The following LIN52 variants were observed in gnomAD, a reference collection of about 807,000 sequenced individuals.
The protein encoded by LIN52 is protein lin-52 homolog.
Under a neutral mutation model 18.5 loss-of-function variants are expected in LIN52, and 4 were observed. The ratio of observed to expected loss-of-function variants is 0.22; its 90% confidence interval spans 0.11 to 0.49. The LOEUF (loss-of-function observed/expected upper bound fraction) is 0.49. Among genes scored for constraint, LIN52 ranks in the 20% least tolerant of loss-of-function variants. The pLI is 0.97. For missense variants in LIN52, 102 were observed against 139.5 expected, an observed-to-expected ratio of 0.73 and a Z score of 1.35; for synonymous variants, 34 against 45.5, an observed-to-expected ratio of 0.75 and a Z score of 1.02.
intron 5 of LIN52, among the ~76,000 whole-genome samples, chr14:74,114,593 TAACAACAAC>T (rs369626893): frequency 6.6e-6 from 1 of 152,052 alleles, no homozygotes; most frequent in Admixed American, 6.6e-5. Context: ...GATGCCTGCT[TAACAACAAC>T]AACAACAACA....
intron 4 of LIN52, among the ~76,000 whole-genome samples, chr14:74,098,516 A>C (rs77000156): frequency 1.4e-5 from 2 of 140,990 alleles, no homozygotes; most frequent in African/African-American, 2.6e-5. Context: ...ACTCTATCTC[A>C]AAAAAAAAAA....
rs573188668 is a variant in LIN52, at chr14:74,103,733, GTTTTTTTTTTTTT to G, written c.283+2519_283+2531del. Among the ~76,000 whole-genome samples, 31 of 46,036 alleles carry G rather than the reference GTTTTTTTTTTTTT, an allele frequency of 6.7e-4. No homozygotes were observed. In the East Asian group the frequency reaches 7.1e-3, roughly 11 times the overall value. The allele number at this position is 46,036 out of a possible 152,430, so 30.2% of individuals were successfully genotyped here. A position where few individuals can be genotyped will look rare whatever the true frequency, so the allele number is the denominator to read the frequency against. On this transcript the variant is annotated intron_variant, in intron 5 of 5. Coordinates refer to ENST00000555028, the MANE Select transcript of LIN52 (RefSeq NM_001024674.3). ...AGGTGTGAGCCACCGGGCCTGGCCA[GTTTTTTTTTTTTT>G]TTTTTTTTTTTTTTTTTTTTTTTAA...
chr14:74,194,487 C>A (rs926682190), intron 5 of LIN52, among the ~76,000 whole-genome samples: 3 of 152,146 alleles, frequency 2.0e-5, no homozygotes, highest in Admixed American at 6.5e-5. Flanking sequence ...AACTGGATAG[C>A]CCTGGAGGAA....
chr14:74,092,462 G>T (rs1172243049), intron 2 of LIN52, among the ~76,000 whole-genome samples: 1 of 149,904 alleles, frequency 6.7e-6, no homozygotes. Context: ...ATGCCGCAAT[G>T]CCCGGCTAAT....
chr14:74,154,416 G>T (rs2061190625), intron 5 of LIN52, among the ~76,000 whole-genome samples: 1 of 152,062 alleles, frequency 6.6e-6, no homozygotes, highest in South Asian at 2.1e-4. Context: ...TTAAAATATT[G>T]GCTGTGGTTA....
intron 5 of LIN52, among the ~76,000 whole-genome samples, chr14:74,173,145 A>G (rs1174740720): frequency 6.6e-6 from 1 of 152,162 alleles, no homozygotes; most frequent in African/African-American, 2.4e-5. Context: ...TTACTTAGCC[A>G]ATTATTTACA....
chr14:74,139,217 G>T (rs77396374), intron 5 of LIN52, among the ~76,000 whole-genome samples: 1,774 of 152,314 alleles, frequency 0.012, 23 homozygotes, highest in Non-Finnish European at 0.02. Context: ...GCAAAATAAT[G>T]TAATTGTTTA....
intron 5 of LIN52, among the ~76,000 whole-genome samples, chr14:74,103,605 T>C (rs2060875711): frequency 6.6e-6 from 1 of 151,292 alleles, no homozygotes; most frequent in Non-Finnish European, 1.5e-5. Flanking sequence ...GCTAATTTTG[T>C]ATTTTTAGTA....
At chr14:74,099,586 T>TTG (rs148601338) in intron 4 of LIN52, among the ~76,000 whole-genome samples, 1,595 of 149,438 alleles carry the variant, frequency 0.011, 6 homozygotes, top group African/African-American at 0.014. Flanking sequence ...AGTATTGTCT[T>TTG]TGTGTGTGTG....
chr14:74,190,388 A>ACTT (rs2061358444), intron 5 of LIN52, among the ~76,000 whole-genome samples: 1 of 64,312 alleles, frequency 1.6e-5, no homozygotes, highest in Non-Finnish European at 3.2e-5. Flanking sequence ...TGCCTAAATA[A>ACTT]CTTTTTTTTT....
rs772735078 is a variant in LIN52, at chr14:74,097,848, G to A, written c.187G>A (p.Asp63Asn). 2.4e-5 allele frequency: 39 copies of A among 1,612,190 alleles called. No individual in the cohort carries two copies. Among genetic ancestry groups the A allele is most frequent in the African/African-American group, 1.3e-5 (1 of 74,856 alleles). ...GGCTGAGATAGAACGTGATGACATC[G>A]ACATGTTGAAAGGTAAGTGATGCTA... ...WMAEIERDDIDMLKELGSLTT... is the reference protein window; with the variant it reads ...WMAEIERDDINMLKELGSLTT... Residue 63 changes from aspartate (D) to asparagine (N), a missense_variant, in exon 4 of 6, where the codon GAC (aspartate) becomes AAC (asparagine). Transcript: ENST00000555028.
intron 3 of LIN52, 53 bp downstream of exon 3, chr14:74,096,038 A>G: frequency 8.4e-7 from 1 of 1,185,292 alleles, no homozygotes; most frequent in Non-Finnish European, 1.2e-6. Flanking sequence ...GCTCCTGAGT[A>G]AAAGCTCAGA....
intron 5 of LIN52, among the ~76,000 whole-genome samples, chr14:74,185,016 T>C (rs768183947): frequency 3.3e-5 from 5 of 152,020 alleles, no homozygotes; most frequent in Non-Finnish European, 5.9e-5. Context: ...ATAACCTTCT[T>C]GCTTTCAGGC....
chr14:74,134,552 C>A (rs1280394007), intron 5 of LIN52, among the ~76,000 whole-genome samples: 8 of 152,160 alleles, frequency 5.3e-5, no homozygotes, highest in Admixed American at 2.6e-4. Context: ...TCCTTTCTAA[C>A]TTCATTTTAT....
intron 5 of LIN52, among the ~76,000 whole-genome samples, chr14:74,111,867 T>TTTTTTTTC (rs139884141): frequency 6.6e-6 from 1 of 151,358 alleles, no homozygotes; most frequent in African/African-American, 2.4e-5. Context: ...CTTGTTGTGA[T>TTTTTTTTC]TTTTTTTCTT....
chr14:74,191,800 AT>A (rs970181059), intron 5 of LIN52, among the ~76,000 whole-genome samples: 2 of 151,410 alleles, frequency 1.3e-5, no homozygotes, highest in Admixed American at 1.3e-4. Context: ...CGCCTGGCTA[AT>A]TTTTTTTGTA....
At chr14:74,101,273 T>A in intron 5 of LIN52, 35 bp downstream of exon 5, 2 of 1,493,704 alleles carry the variant, frequency 1.3e-6, no homozygotes, top group Non-Finnish European at 1.8e-6. Context: ...CAGGGGTGTA[T>A]TCCACCCTGA....
chr14:74,170,148 A>G (rs1462920622), intron 5 of LIN52, among the ~76,000 whole-genome samples: 2 of 152,258 alleles, frequency 1.3e-5, no homozygotes, highest in Non-Finnish European at 2.9e-5. Flanking sequence ...TAGCAGGAGC[A>G]TATGGAAGAA....
At chr14:74,132,567 G>A (rs956391366) in intron 5 of LIN52, among the ~76,000 whole-genome samples, 3 of 152,140 alleles carry the variant, frequency 2.0e-5, no homozygotes, top group Non-Finnish European at 4.4e-5. Flanking sequence ...GGAGTGTAGT[G>A]GCACAATCTC....
Sources: gnomAD v4.1 joint callset for allele counts (sites outside exome capture counted in the v4.1 genomes callset) on GRCh38, gnomAD v4.1.1 for gene constraint, MANE v1.5 for transcripts, NCBI Gene and HGNC (gene_info 2026-07-23, HGNC 2026-07-21) for gene names.